Variants in DAB1 observed in about 807,000 individuals in gnomAD.
DAB1 encodes the protein disabled homolog 1.
Under a neutral mutation model 64.6 loss-of-function variants are expected in DAB1, and 15 were observed. That is an observed-to-expected ratio of 0.23 (90% CI 0.16 to 0.36). The LOEUF is 0.36. Among genes scored for constraint, DAB1 ranks in the 10% least tolerant of loss-of-function variants. DAB1 has a pLI of 1.00. For missense variants in DAB1, 596 were observed against 706.7 expected (o/e 0.84, Z 1.78); for synonymous variants, 235 against 251.9 (o/e 0.93, Z 0.64).
chr1:58,168,097 G>A (rs1289296044), intron 4 of DAB1, among the ~76,000 whole-genome samples: 7 of 152,270 alleles, frequency 4.6e-5, no homozygotes, highest in African/African-American at 1.7e-4. Flanking sequence ...AGAATTCAGG[G>A]GCTAAATACC....
intron 4 of DAB1, among the ~76,000 whole-genome samples, chr1:58,187,461 G>GTAAGAC (rs2100218414): frequency 6.6e-6 from 1 of 151,234 alleles, no homozygotes; most frequent in African/African-American, 2.4e-5. Context: ...GGACCACACA[G>GTAAGAC]TAAGACCCTG....
At chr1:57,511,879 C>T (rs1558448724) in intron 7 of DAB1, among the ~76,000 whole-genome samples, 1 of 152,178 alleles carries the variant, frequency 6.6e-6, no homozygotes. Context: ...AGTTGCTATA[C>T]CCCAGAAATT....
chr1:57,583,532 G>C (rs957373659), intron 7 of DAB1, among the ~76,000 whole-genome samples: 1 of 152,040 alleles, frequency 6.6e-6, no homozygotes, highest in African/African-American at 2.4e-5. Context: ...TGATCCGCCT[G>C]CCTCAGCCTC....
At chr1:58,464,047 A>G (rs1174119295) in intron 3 of DAB1, among the ~76,000 whole-genome samples, 3 of 152,268 alleles carry the variant, frequency 2.0e-5, no homozygotes, top group African/African-American at 7.2e-5. Context: ...CAGGAGGTGC[A>G]GAGCCTGGGC....
intron 6 of DAB1, among the ~76,000 whole-genome samples, chr1:57,666,416 C>T (rs776071869): frequency 7.2e-5 from 11 of 152,076 alleles, no homozygotes; most frequent in Non-Finnish European, 1.2e-4. Context: ...TGGAACTGGC[C>T]ATGGAGCTTC....
intron 6 of DAB1, among the ~76,000 whole-genome samples, chr1:57,795,202 C>T (rs1436412016): frequency 6.6e-6 from 1 of 152,198 alleles, no homozygotes; most frequent in South Asian, 2.1e-4. Flanking sequence ...AAATGCCACA[C>T]ATTTAATCTC....
intron 1 of DAB1, among the ~76,000 whole-genome samples, chr1:57,842,506 C>G (rs1361788948): frequency 6.6e-6 from 1 of 152,100 alleles, no homozygotes; most frequent in Non-Finnish European, 1.5e-5. Context: ...AAAGAAACTA[C>G]CTGAGACTGG....
chr1:57,971,565 T>C (rs1434605855), intron 5 of DAB1, among the ~76,000 whole-genome samples: 2 of 152,216 alleles, frequency 1.3e-5, no homozygotes, highest in Non-Finnish European at 2.9e-5. Flanking sequence ...AGTTAACTCA[T>C]CTGTAAGACA....
intron 6 of DAB1, among the ~76,000 whole-genome samples, chr1:57,763,858 T>C (rs71642139): frequency 4.6e-5 from 7 of 152,288 alleles, no homozygotes; most frequent in South Asian, 4.1e-4. Context: ...AACTTCTTTG[T>C]TGTTTCCATA....
At chr1:57,335,826 C>T (rs1193952384) in intron 1 of DAB1, among the ~76,000 whole-genome samples, 1 of 152,160 alleles carries the variant, frequency 6.6e-6, no homozygotes. Context: ...ATCAAGTACA[C>T]AGGAATTATG....
At chr1:57,376,006 C>T (rs1015058723) in intron 1 of DAB1, among the ~76,000 whole-genome samples, 9 of 152,098 alleles carry the variant, frequency 5.9e-5, no homozygotes, top group South Asian at 2.1e-4. Flanking sequence ...TATTTCATGA[C>T]GCATGCACTC....
At chr1:57,422,263 G>A (rs917779421) in intron 1 of DAB1, among the ~76,000 whole-genome samples, 1 of 152,210 alleles carries the variant, frequency 6.6e-6, no homozygotes, top group African/African-American at 2.4e-5. Flanking sequence ...TAACCGGCCA[G>A]CAGGAAGGGA....
chr1:57,116,644 T>C (rs1302956395), intron 4 of DAB1, among the ~76,000 whole-genome samples: 2 of 151,994 alleles, frequency 1.3e-5, no homozygotes, highest in Admixed American at 1.3e-4. Flanking sequence ...CCCCAACTCA[T>C]ACAATGATAA....
chr1:58,041,819 G>T (rs904333816), intron 5 of DAB1, among the ~76,000 whole-genome samples: 31 of 152,156 alleles, frequency 2.0e-4, no homozygotes, highest in Non-Finnish European at 4.3e-4. Flanking sequence ...AGAATGCTTT[G>T]ATCAACTAGC....
At chr1:58,329,440 TA>T (rs1662921263) in intron 4 of DAB1, among the ~76,000 whole-genome samples, 1 of 152,248 alleles carries the variant, frequency 6.6e-6, no homozygotes, top group Non-Finnish European at 1.5e-5. Flanking sequence ...AGATAGTTTT[TA>T]ATTTTATAAA....
chr1:57,606,744 TATAA>T (rs1361554829), intron 7 of DAB1, among the ~76,000 whole-genome samples: 1 of 132,186 alleles, frequency 7.6e-6, no homozygotes, highest in African/African-American at 2.8e-5. Flanking sequence ...ATATATATTA[TATAA>T]ATATATTCTA....
chr1:57,553,207 G>A (rs1644934766), intron 7 of DAB1, among the ~76,000 whole-genome samples: 1 of 151,456 alleles, frequency 6.6e-6, no homozygotes, highest in Non-Finnish European at 1.5e-5. Flanking sequence ...TTAGGAATAT[G>A]GCTTTGGAGT....
In DAB1 at chr1:57,737,706, C is replaced by T. The variant is rs1647765196; in HGVS notation, n.552-88041G>A. 2.6e-5 allele frequency among the ~76,000 whole-genome samples: 4 copies of T among 152,094 alleles called. No homozygotes were observed. In the South Asian group the frequency reaches 8.3e-4, roughly 31 times the overall value. ...CCCCTTGATGCTTTTTTAATTCTTG[C>T]TTTCTGACATGATTCTGTGACACAA... On this transcript the variant is annotated intron_variant and non_coding_transcript_variant, in intron 6 of 20. Transcript: ENST00000485760.
intron 5 of DAB1, among the ~76,000 whole-genome samples, chr1:57,912,335 T>A (rs991287231): frequency 1.4e-5 from 2 of 146,800 alleles, no homozygotes; most frequent in Admixed American, 1.4e-4. Flanking sequence ...CCACTGATCT[T>A]TCCAACACCT....
Sources: gnomAD v4.1 joint callset for allele counts (sites outside exome capture counted in the v4.1 genomes callset) on GRCh38, gnomAD v4.1.1 for gene constraint, MANE v1.5 for transcripts, NCBI Gene and HGNC (gene_info 2026-07-23, HGNC 2026-07-21) for gene names.